CDC73: variants seen among roughly 807,000 people sequenced by gnomAD.
CDC73 encodes parafibromin.
Under a neutral mutation model 83.7 loss-of-function variants are expected in CDC73, and 21 were observed. The ratio of observed to expected loss-of-function variants is 0.25; its 90% CI spans 0.18 to 0.36. The LOEUF (loss-of-function observed/expected upper bound fraction) is 0.36, where lower values mean the gene tolerates loss of function less well. CDC73 is among the 10% of genes least tolerant of loss of function. CDC73 has a pLI of 1.00. For missense variants in CDC73, 342 were observed against 653.3 expected, an observed-to-expected ratio of 0.52 and a Z score of 5.19; for synonymous variants, 224 against 212.9, an observed-to-expected ratio of 1.05 and a Z score of -0.45.
intron 10 of CDC73, chr1:193,181,511 C>T (rs904487389): frequency 6.2e-7 from 1 of 1,608,870 alleles, no homozygotes; most frequent in African/African-American, 1.3e-5. Context: ...GACCTTTTGG[C>T]ATTCCAGGTC....
intron 11 of CDC73, among the ~76,000 whole-genome samples, chr1:193,208,273 C>A (rs531829822): frequency 6.6e-6 from 1 of 152,344 alleles, no homozygotes; most frequent in African/African-American, 2.4e-5. Flanking sequence ...CCATCATCAT[C>A]TCTCTAGACC....
At chr1:193,138,209 A>G (rs1459124386) in intron 6 of CDC73, 36 bp downstream of exon 6, 2 of 1,290,494 alleles carry the variant, frequency 1.5e-6, no homozygotes, top group Admixed American at 1.7e-5. Flanking sequence ...TAGGTAGTTT[A>G]GATATATGTA....
At chr1:193,215,677 C>T (rs1429850977) in intron 13 of CDC73, among the ~76,000 whole-genome samples, 1 of 149,910 alleles carries the variant, frequency 6.7e-6, no homozygotes, top group African/African-American at 2.5e-5. Flanking sequence ...GCAACCTCTG[C>T]CTCCTGGGCT....
At position 193,250,760 on chromosome 1, in the gene CDC73, AT is replaced by A; in HGVS notation, c.*51del. 6.8e-7 allele frequency: 1 copy of A among 1,473,544 alleles called. No individual in the cohort carries two copies. Among genetic ancestry groups the A allele is most frequent in the Non-Finnish European group, 9.5e-7 (1 of 1,053,078 alleles). The allele number at this position is 1,473,544 out of a possible 1,614,324, so 91.3% of individuals were successfully genotyped here. A position where few individuals can be genotyped will look rare whatever the true frequency, so the allele number is the denominator to read the frequency against. Reference sequence around the variant, plus strand: ...GGAAATTGAGACTCAAGCTTTATGAATTTATCAAGAACTTAAAAATGAAGAA... The same window carrying A: ...GGAAATTGAGACTCAAGCTTTATGAATTATCAAGAACTTAAAAATGAAGAA... On this transcript the variant is annotated 3_prime_UTR_variant, in exon 17 of 17. Transcript: ENST00000367435.
At chr1:193,236,229 T>TC (rs763176571) in intron 14 of CDC73, 27 bp from the exon 15 acceptor site, 6 of 1,412,848 alleles carry the variant, frequency 4.2e-6, no homozygotes, top group Non-Finnish European at 5.0e-6. Context: ...GTCCCCTACC[T>TC]CCCCCCACCC....
chr1:193,221,646 T>C (rs1677471988), intron 13 of CDC73, among the ~76,000 whole-genome samples: 1 of 152,250 alleles, frequency 6.6e-6, no homozygotes, highest in Non-Finnish European at 1.5e-5. Context: ...AACACTGTTT[T>C]ATAGCAGAAA....
chr1:193,136,014 G>T (rs1675791924), intron 5 of CDC73, among the ~76,000 whole-genome samples: 1 of 151,816 alleles, frequency 6.6e-6, no homozygotes, highest in South Asian at 2.1e-4. Context: ...GACTGCAGGT[G>T]CCTGCCACCA....
At chr1:193,156,437 T>C (rs1325416383) in intron 10 of CDC73, among the ~76,000 whole-genome samples, 1 of 152,204 alleles carries the variant, frequency 6.6e-6, no homozygotes, top group Non-Finnish European at 1.5e-5. Flanking sequence ...ATTCCAACAG[T>C]CATCATAGTT....
intron 16 of CDC73, 82 bp from the exon 17 acceptor site, chr1:193,250,594 T>A: frequency 1.0e-6 from 1 of 974,646 alleles, no homozygotes. Flanking sequence ...TTTTAAGAAA[T>A]GTCAACTTGT....
At chr1:193,246,899 T>C (rs1039802058) in intron 15 of CDC73, among the ~76,000 whole-genome samples, 1 of 152,146 alleles carries the variant, frequency 6.6e-6, no homozygotes, top group South Asian at 2.1e-4. Flanking sequence ...TCTATTAACT[T>C]TCTCTAGTTT....
intron 2 of CDC73, among the ~76,000 whole-genome samples, chr1:193,128,474 T>A (rs1236746710): frequency 6.6e-6 from 1 of 151,738 alleles, no homozygotes; most frequent in Non-Finnish European, 1.5e-5. Flanking sequence ...CCTGGCTAAC[T>A]TTTATATTTT....
At chr1:193,215,054 A>C (rs1677342034) in intron 13 of CDC73, among the ~76,000 whole-genome samples, 1 of 152,220 alleles carries the variant, frequency 6.6e-6, no homozygotes, top group Non-Finnish European at 1.5e-5. Flanking sequence ...TGTGTTTAGC[A>C]CTTGGTGTAA....
intron 10 of CDC73, among the ~76,000 whole-genome samples, chr1:193,191,619 C>G (rs966341690): frequency 3.3e-5 from 5 of 152,108 alleles, no homozygotes; most frequent in Non-Finnish European, 7.4e-5. Flanking sequence ...CTCCTAACCT[C>G]AAGTGATCTG....
chr1:193,134,682 A>G (rs1021991138), intron 3 of CDC73, among the ~76,000 whole-genome samples: 11 of 152,188 alleles, frequency 7.2e-5, no homozygotes, highest in African/African-American at 2.7e-4. Flanking sequence ...AAAAAAGTAA[A>G]GGAAATGCTC....
chr1:193,154,214 TG>T (rs1450000629), intron 10 of CDC73, among the ~76,000 whole-genome samples: 10 of 152,218 alleles, frequency 6.6e-5, no homozygotes, highest in African/African-American at 2.4e-4. Context: ...TTGTTACCCT[TG>T]GGGAGCCATC....
At chr1:193,183,148 A>G (rs1009476442) in intron 10 of CDC73, among the ~76,000 whole-genome samples, 3 of 151,870 alleles carry the variant, frequency 2.0e-5, no homozygotes, top group Non-Finnish European at 2.9e-5. Flanking sequence ...CACATACATA[A>G]CGTTAAGTAC....
chr1:193,171,379 C>G (rs1219807677), intron 10 of CDC73, among the ~76,000 whole-genome samples: 1 of 152,160 alleles, frequency 6.6e-6, no homozygotes, highest in African/African-American at 2.4e-5. Context: ...AGACTGAAGT[C>G]AAGGTGTCAA....
chr1:193,253,576 C>CT lies in CDC73; in HGVS notation c.*2865dup, dbSNP rs1678078210. Reference sequence around the variant, plus strand: ...AATGTTTAATGTATTTCATTATTAACTAGTATTATAGTTTGTTTTTTTCCC... The same window carrying CT: ...AATGTTTAATGTATTTCATTATTAACTTAGTATTATAGTTTGTTTTTTTCCC... On this transcript the variant is annotated 3_prime_UTR_variant, in exon 17 of 17. Coordinates refer to ENST00000367435, the MANE Select transcript of CDC73 (RefSeq NM_024529.5). 1 of 231,572 alleles carries CT rather than the reference C, an allele frequency of 4.3e-6. No homozygotes were observed. Among genetic ancestry groups the CT allele is most frequent in the Non-Finnish European group, 8.5e-6 (1 of 117,220 alleles). The allele number at this position is 231,572 out of a possible 1,614,324, so 14.3% of individuals were successfully genotyped here.
intron 6 of CDC73, 46 bp downstream of exon 6, chr1:193,138,219 A>C: frequency 8.2e-7 from 1 of 1,224,796 alleles, no homozygotes; most frequent in Non-Finnish European, 1.2e-6. Flanking sequence ...AGATATATGT[A>C]AAAGTATAAG....
Sources: gnomAD v4.1 joint callset for allele counts (sites outside exome capture counted in the v4.1 genomes callset) on GRCh38, gnomAD v4.1.1 for gene constraint, MANE v1.5 for transcripts, NCBI Gene and HGNC (gene_info 2026-07-23, HGNC 2026-07-21) for gene names.